SLC25A15: variants seen among roughly 807,000 people sequenced by gnomAD.
The protein encoded by SLC25A15 is mitochondrial ornithine transporter 1.
A neutral mutation model predicts 32.3 loss-of-function variants in SLC25A15; 24 were observed. That is an observed-to-expected ratio of 0.74 (90% CI 0.54 to 1.04). The LOEUF is 1.04. Ranked by LOEUF, SLC25A15 falls within the 50% of genes least tolerant of loss-of-function variation. The pLI is 0.00. For missense variants in SLC25A15, 317 were observed against 374.5 expected (o/e 0.85, Z 1.27); for synonymous variants, 132 against 142.1 (o/e 0.93, Z 0.51).
rs1418045303 is a variant in SLC25A15 at position 40,811,801 on chromosome 13, T to TGTCA, written c.*2136_*2139dup. Reference sequence around the variant, plus strand: ...ATAGTCCATACCATGTATGTGTTTCTGTCAGCAGAATGTACATGTTGTACA... The same window carrying TGTCA: ...ATAGTCCATACCATGTATGTGTTTCTGTCAGTCAGCAGAATGTACATGTTGTACA... On this transcript the variant is annotated 3_prime_UTR_variant, in exon 7 of 7. Transcript: ENST00000338625. Among the ~76,000 whole-genome samples, 6 of 152,238 alleles carry TGTCA rather than the reference T, an allele frequency of 3.9e-5. No individual in the cohort carries two copies. The highest frequency in any genetic ancestry group is 1.4e-4 in the African/African-American group (6 of 41,464).
At chr13:40,791,774 A>G (rs1160675195) in intron 1 of SLC25A15, among the ~76,000 whole-genome samples, 1 of 152,136 alleles carries the variant, frequency 6.6e-6, no homozygotes, top group East Asian at 1.9e-4. Flanking sequence ...TTGCACTTCT[A>G]ACTTAGTTGC....
chr13:40,803,131 G>A (rs1246309766), intron 3 of SLC25A15, among the ~76,000 whole-genome samples: 1 of 152,084 alleles, frequency 6.6e-6, no homozygotes. Context: ...TTCTAGGGCT[G>A]GAAGGGATCT....
chr13:40,791,350 C>CTAT (rs1329447710), intron 1 of SLC25A15, among the ~76,000 whole-genome samples: 4 of 136,644 alleles, frequency 2.9e-5, no homozygotes, highest in Non-Finnish European at 6.2e-5. Context: ...TTTTTATTTT[C>CTAT]TATTATTATT....
At chr13:40,791,035 A>G (rs1260997270) in intron 1 of SLC25A15, among the ~76,000 whole-genome samples, 3 of 152,010 alleles carry the variant, frequency 2.0e-5, no homozygotes. Flanking sequence ...AGGTTTATCT[A>G]GGAGGCCACA....
At position 40,799,042 on chromosome 13, in the gene SLC25A15, C is replaced by T. The variant is rs780317136; in HGVS notation, c.56-15C>T. The T allele has an allele frequency of 1.9e-6, 3 of 1,613,910 alleles. No homozygotes were observed. In the African/African-American group the frequency reaches 4.0e-5, roughly 22 times the overall value. On this transcript the variant is annotated splice_polypyrimidine_tract_variant and intron_variant, in intron 2 of 6. Transcript: ENST00000338625. ...TGTAGCCTCGTACTAGAGCAGTCAT[C>T]TGTCCTGATTGCAGGAGGTACAGCA...
At chr13:40,797,608 C>T (rs1223455707) in intron 2 of SLC25A15, among the ~76,000 whole-genome samples, 1 of 152,030 alleles carries the variant, frequency 6.6e-6, no homozygotes, top group Non-Finnish European at 1.5e-5. Context: ...AAGAAATGAA[C>T]AGTAATGATG....
chr13:40,802,861 C>T (rs1031605826), intron 3 of SLC25A15, among the ~76,000 whole-genome samples: 31 of 151,958 alleles, frequency 2.0e-4, no homozygotes, highest in African/African-American at 6.3e-4. Flanking sequence ...TGTGAGCCAC[C>T]GTGCCCTGCC....
chr13:40,794,068 C>T (rs1881594909), intron 2 of SLC25A15, among the ~76,000 whole-genome samples: 1 of 152,214 alleles, frequency 6.6e-6, no homozygotes, highest in Non-Finnish European at 1.5e-5. Context: ...AGGCTGGGCG[C>T]AGTGGCTCAC....
rs9577153 is a variant in SLC25A15, at chr13:40,809,826, C to G, written c.*159C>G. On this transcript the variant is annotated 3_prime_UTR_variant, in exon 7 of 7. Coordinates refer to ENST00000338625, the MANE Select transcript of SLC25A15 (RefSeq NM_014252.4). ...CTACATCTTAAACTTTATGGAAGAA[C>G]CTCTATTTTGCATCATATCATTTCT... 2.3e-3 allele frequency: 1,611 copies of G among 704,514 alleles called. 35 individuals are homozygous for G. In the East Asian group the frequency reaches 0.035, roughly 15 times the overall value. 43.6% of individuals were successfully genotyped at this position (704,514 alleles called of 1,614,324 possible). A position where few individuals can be genotyped will look rare whatever the true frequency, so the allele number is the denominator to read the frequency against.
At position 40,805,175 on chromosome 13, in the gene SLC25A15, C is replaced by G. The variant is rs1305315510; in HGVS notation, c.372C>G (p.Leu124=). Reference sequence around the variant, plus strand: ...CCTCTGCCTTTGCTGCACTGGTGCTCTGCCCCACGGAGCTCGTGAAGTGCC... The same window carrying G: ...CCTCTGCCTTTGCTGCACTGGTGCTGTGCCCCACGGAGCTCGTGAAGTGCC... ...SFASAFAALV[L]CPTELVKCRL... is the part of the protein sequence containing the mutation. The change falls in exon 4 of 7, where the codon CTC becomes CTG. Residue 124 remains leucine (L), a synonymous_variant. Coordinates refer to ENST00000338625, the MANE Select transcript of SLC25A15 (RefSeq NM_014252.4). 3.1e-6 allele frequency: 5 copies of G among 1,614,070 alleles called. No individual in the cohort carries two copies. The African/African-American group carries it at 6.7e-5, about 22-fold the overall frequency.
intron 1 of SLC25A15, among the ~76,000 whole-genome samples, chr13:40,791,648 C>T (rs570920631): frequency 2.0e-5 from 3 of 152,186 alleles, no homozygotes; most frequent in South Asian, 4.1e-4. Flanking sequence ...TGAGCCACCG[C>T]GCCTGGCCAG....
chr13:40,803,814 G>C (rs1882006425), intron 3 of SLC25A15, among the ~76,000 whole-genome samples: 1 of 152,206 alleles, frequency 6.6e-6, no homozygotes, highest in African/African-American at 2.4e-5. Flanking sequence ...ATCTGTGGCA[G>C]TTACATTGCA....
At chr13:40,791,611 C>T (rs1003683628) in intron 1 of SLC25A15, among the ~76,000 whole-genome samples, 3 of 151,988 alleles carry the variant, frequency 2.0e-5, no homozygotes, top group Non-Finnish European at 2.9e-5. Flanking sequence ...CCACCTCAGC[C>T]GGCCCAAAGT....
intron 2 of SLC25A15, among the ~76,000 whole-genome samples, chr13:40,793,716 C>T (rs1356700830): frequency 1.3e-5 from 2 of 152,264 alleles, no homozygotes. Flanking sequence ...ACCTTTCTCC[C>T]TCCAGTACTT....
chr13:40,799,418 AG>A, intron 3 of SLC25A15, 103 bp downstream of exon 3: 1 of 1,476,552 alleles, frequency 6.8e-7, no homozygotes, highest in Non-Finnish European at 9.3e-7. Flanking sequence ...TGGGAGGCAA[AG>A]GCAGGAAAAT....
chr13:40,798,982 G>A, intron 2 of SLC25A15, 75 bp from the exon 3 acceptor site: 4 of 1,613,052 alleles, frequency 2.5e-6, no homozygotes, highest in Non-Finnish European at 3.4e-6. Flanking sequence ...TTCTGGGGTA[G>A]GCTGCCTGTG....
At chr13:40,791,057 T>A (rs1276620179) in intron 1 of SLC25A15, among the ~76,000 whole-genome samples, 1 of 152,014 alleles carries the variant, frequency 6.6e-6, no homozygotes, top group Non-Finnish European at 1.5e-5. Context: ...TGTACTTGCC[T>A]CTGTCTGTCT....
intron 3 of SLC25A15, among the ~76,000 whole-genome samples, chr13:40,803,974 GT>G (rs1051810092): frequency 3.9e-5 from 6 of 151,954 alleles, no homozygotes; most frequent in African/African-American, 1.5e-4. Context: ...TTTCCTTTAG[GT>G]TTTTTTGTGG....
At position 40,799,117 on chromosome 13, in the gene SLC25A15, C is replaced by T. The variant is rs764024928; in HGVS notation, c.116C>T (p.Thr39Met). ...PFDTMKVKMQ[T>M]FPDLYRGLTD... is the part of the protein sequence containing the mutation. ...GACACAATGAAAGTGAAGATGCAGACGTTCCCTGACCTGTACCGGGGCCTC... is the reference window on the plus strand; with the variant it reads ...GACACAATGAAAGTGAAGATGCAGATGTTCCCTGACCTGTACCGGGGCCTC... The change falls in exon 3 of 7, where the codon ACG (threonine) becomes ATG (methionine). Residue 39 changes from threonine (T) to methionine (M), a missense_variant. Physicochemically the swap from Thr to Met is moderately conservative, Grantham distance 81. Coordinates refer to ENST00000338625, the MANE Select transcript of SLC25A15 (RefSeq NM_014252.4). The T allele has an allele frequency of 1.8e-5, 29 of 1,614,192 alleles. No individual in the cohort carries two copies. The East Asian group carries it at 5.6e-4, about 31-fold the overall frequency.
Sources: gnomAD v4.1 joint callset for allele counts (sites outside exome capture counted in the v4.1 genomes callset) on GRCh38, gnomAD v4.1.1 for gene constraint, MANE v1.5 for transcripts, NCBI Gene and HGNC (gene_info 2026-07-23, HGNC 2026-07-21) for gene names.